The following DIP2B variants were observed in gnomAD, a reference collection of about 807,000 sequenced individuals.
DIP2B encodes the protein disco-interacting protein 2 homolog B.
A neutral mutation model predicts 198.0 loss-of-function variants in DIP2B; 76 were observed. The observed-to-expected ratio is 0.38, with a 90% confidence interval of 0.32 to 0.46. The LOEUF (loss-of-function observed/expected upper bound fraction) is 0.46. Among genes scored for constraint, DIP2B ranks in the 20% least tolerant of loss-of-function variants. The pLI, the probability that DIP2B is intolerant of heterozygous loss-of-function variation, is 0.99. For synonymous variants in DIP2B, 701 were observed against 739.1 expected (o/e 0.95, Z 0.84); for missense variants, 1,559 against 1,978.4 (o/e 0.79, Z 4.02).
intron 1 of DIP2B, among the ~76,000 whole-genome samples, chr12:50,506,803 G>C (rs1303169567): frequency 6.6e-6 from 1 of 152,166 alleles, no homozygotes; most frequent in African/African-American, 2.4e-5. Context: ...CATTAAATCT[G>C]TGTTGACTTG....
At chr12:50,624,289 A>G (rs1484598794) in intron 1 of DIP2B, among the ~76,000 whole-genome samples, 1 of 152,008 alleles carries the variant, frequency 6.6e-6, no homozygotes, top group Non-Finnish European at 1.5e-5. Flanking sequence ...CTTCGACCTC[A>G]CCAAACACAC....
At chr12:50,607,343 A>G (rs1270872460) in intron 1 of DIP2B, among the ~76,000 whole-genome samples, 1 of 152,228 alleles carries the variant, frequency 6.6e-6, no homozygotes, top group Non-Finnish European at 1.5e-5. Flanking sequence ...AGACATAGCT[A>G]GTAAATGATA....
intron 19 of DIP2B, among the ~76,000 whole-genome samples, chr12:50,702,891 A>C (rs2139563488): frequency 6.6e-6 from 1 of 152,326 alleles, no homozygotes. Flanking sequence ...AATGCAATTA[A>C]AGCAATAATG....
chr12:50,700,576 T>G (rs909103673), intron 19 of DIP2B, among the ~76,000 whole-genome samples: 2 of 152,200 alleles, frequency 1.3e-5, no homozygotes, highest in African/African-American at 4.8e-5. Context: ...TGATACCATA[T>G]CTATGCTCTC....
intron 19 of DIP2B, among the ~76,000 whole-genome samples, chr12:50,701,744 A>ATAG (rs1373583271): frequency 1.8e-4 from 27 of 152,110 alleles, no homozygotes; most frequent in Non-Finnish European, 3.8e-4. Flanking sequence ...TACCAGGGAG[A>ATAG]AAAACTTTTG....
chr12:50,733,920 G>A (rs1326825987), intron 32 of DIP2B, among the ~76,000 whole-genome samples: 3 of 152,140 alleles, frequency 2.0e-5, no homozygotes, highest in African/African-American at 7.2e-5. Context: ...CCTCTGCTTT[G>A]AATCCAGGGA....
intron 4 of DIP2B, among the ~76,000 whole-genome samples, chr12:50,670,528 G>A (rs890729926): frequency 1.3e-5 from 2 of 152,040 alleles, no homozygotes; most frequent in Non-Finnish European, 2.9e-5. Flanking sequence ...CGATTCTCCT[G>A]CTTCAGCCTC....
intron 28 of DIP2B, 48 bp from the exon 29 acceptor site, chr12:50,727,655 A>C (rs758309339): frequency 6.5e-7 from 1 of 1,531,604 alleles, no homozygotes; most frequent in African/African-American, 1.4e-5. Context: ...AATGATTTTC[A>C]TGTTCCAGCA....
chr12:50,545,569 G>T (rs1958369975), intron 1 of DIP2B, among the ~76,000 whole-genome samples: 1 of 151,776 alleles, frequency 6.6e-6, no homozygotes, highest in Non-Finnish European at 1.5e-5. Context: ...TACAGATAGT[G>T]TCTTGCCATG....
chr12:50,714,289 TG>T, intron 22 of DIP2B, 105 bp from the exon 23 acceptor site: 1 of 1,215,022 alleles, frequency 8.2e-7, no homozygotes, highest in Non-Finnish European at 1.2e-6. Flanking sequence ...AGATCTAGAA[TG>T]GGTAGAGTAA....
At chr12:50,533,550 C>T (rs765692278) in intron 1 of DIP2B, among the ~76,000 whole-genome samples, 7 of 152,032 alleles carry the variant, frequency 4.6e-5, no homozygotes, top group African/African-American at 7.2e-5. Context: ...AGGGATTTCA[C>T]CTACAGGAAG....
At chr12:50,688,510 G>A (rs1243637996) in intron 12 of DIP2B, among the ~76,000 whole-genome samples, 1 of 151,970 alleles carries the variant, frequency 6.6e-6, no homozygotes, top group Non-Finnish European at 1.5e-5. Flanking sequence ...AATTAGCTGG[G>A]CCTGGTGGTA....
At position 50,504,985 on chromosome 12, in the gene DIP2B, A is replaced by G. The variant is rs1248097145; in HGVS notation, c.-156A>G. On this transcript the variant is annotated 5_prime_UTR_variant, in exon 1 of 38. Transcript: ENST00000301180. ...CCGGGGGGCGGGGGCCGTCGCGCTC[A>G]CGTGACCTTTGCTCATGGCGGCGGC... The G allele has an allele frequency of 3.8e-6, 2 of 526,428 alleles. No individual in the cohort carries two copies. The highest frequency in any genetic ancestry group is 6.7e-6 in the Non-Finnish European group (2 of 298,644). The allele number at this position is 526,428 out of a possible 1,614,324, so 32.6% of individuals were successfully genotyped here. A position where few individuals can be genotyped will look rare whatever the true frequency, so the allele number is the denominator to read the frequency against.
chr12:50,549,947 C>T (rs555036258), intron 1 of DIP2B, among the ~76,000 whole-genome samples: 1 of 151,930 alleles, frequency 6.6e-6, no homozygotes, highest in Non-Finnish European at 1.5e-5. Flanking sequence ...ATCAAGGTAC[C>T]TAGTTGTATG....
intron 23 of DIP2B, among the ~76,000 whole-genome samples, chr12:50,718,470 T>G (rs1372661316): frequency 6.6e-6 from 1 of 152,174 alleles, no homozygotes; most frequent in African/African-American, 2.4e-5. Context: ...GTTTGTTTGG[T>G]TTTTTTCCAG....
Position 50,537,114 on chromosome 12 carries a change from A to ATTTTTT in DIP2B, c.100+31896_100+31901dup, listed in dbSNP as rs34202995. ...CAGATTGCTTGTTTATTATTCTCTA[A>ATTTTTT]TTTTTTTTTTTTTTTTTTTTTTTTT... On this transcript the variant is annotated intron_variant, in intron 1 of 37. Transcript: ENST00000301180. Among the ~76,000 whole-genome samples, 56 of 32,226 alleles carry ATTTTTT rather than the reference A, an allele frequency of 1.7e-3. 13 individuals are homozygous for ATTTTTT. The highest frequency in any genetic ancestry group is 6.0e-3 in the African/African-American group (38 of 6,328). The allele number at this position is 32,226 out of a possible 152,430, so 21.1% of individuals were successfully genotyped here. A position where few individuals can be genotyped will look rare whatever the true frequency, so the allele number is the denominator to read the frequency against.
chr12:50,730,631 C>T (rs1334425754), intron 30 of DIP2B, among the ~76,000 whole-genome samples: 4 of 152,316 alleles, frequency 2.6e-5, no homozygotes, highest in African/African-American at 4.8e-5. Context: ...CAGCGATCCT[C>T]CCATCATGGC....
At chr12:50,683,859 C>T (rs1048976560) in intron 10 of DIP2B, among the ~76,000 whole-genome samples, 1 of 152,090 alleles carries the variant, frequency 6.6e-6, no homozygotes, top group Non-Finnish European at 1.5e-5. Flanking sequence ...CGCCTGTAAT[C>T]CTAGCACTTT....
At position 50,718,814 on chromosome 12, in the gene DIP2B, G is replaced by A. The variant is rs1939780451; in HGVS notation, c.2957G>A (p.Arg986Lys). ...LGQIEENDLV[R>K]KHQFLAEILQ... ...CAAATAGAAGAGAATGATTTGGTGA[G>A]GAAGGTAAGTGTTCCTGAAGTGTTA... Residue 986 changes from arginine to lysine, a missense_variant, in exon 24 of 38, where the codon AGG becomes AAG. Transcript: ENST00000301180. The A allele has an allele frequency of 6.2e-7, 1 of 1,613,978 alleles. No homozygotes were observed. The highest frequency in any genetic ancestry group is 8.5e-7 in the Non-Finnish European group (1 of 1,179,896).
Sources: allele counts gnomAD v4.1 joint callset (sites outside exome capture counted in the v4.1 genomes callset), GRCh38; gene constraint gnomAD v4.1.1; transcripts MANE v1.5; gene names NCBI Gene and HGNC (gene_info 2026-07-23, HGNC 2026-07-21).